ADAMTS16: variants seen among roughly 807,000 people sequenced by gnomAD.
ADAMTS16 encodes the protein ADAM metallopeptidase with thrombospondin type 1 motif 16, also known as A disintegrin and metalloproteinase with thrombospondin motifs 16.
A neutral mutation model predicts 145.8 loss-of-function variants in ADAMTS16; 94 were observed. The ratio of observed to expected loss-of-function variants is 0.64; its 90% CI spans 0.55 to 0.77. The LOEUF (loss-of-function observed/expected upper bound fraction) is 0.77, where lower values mean the gene tolerates loss of function less well. Among genes scored for constraint, ADAMTS16 ranks in the 30% least tolerant of loss-of-function variants. The pLI is 0.00. For synonymous variants in ADAMTS16, 659 were observed against 604.3 expected (o/e 1.09, Z -1.33); for missense variants, 1,585 against 1,591.5 (o/e 1.00, Z 0.07).
chr5:5,247,198 T>A (rs529398824), intron 17 of ADAMTS16, among the ~76,000 whole-genome samples: 1 of 152,308 alleles, frequency 6.6e-6, no homozygotes, highest in East Asian at 1.9e-4. Flanking sequence ...CTTTCTCTTT[T>A]AAACTTCAGC....
chr5:5,316,168 G>A (rs1579423806), intron 21 of ADAMTS16, among the ~76,000 whole-genome samples: 2 of 152,186 alleles, frequency 1.3e-5, no homozygotes, highest in East Asian at 3.9e-4. Context: ...TTGGGCTGTG[G>A]AGAACCAGCC....
chr5:5,230,797 A>G (rs1736898465), intron 11 of ADAMTS16, among the ~76,000 whole-genome samples: 1 of 152,226 alleles, frequency 6.6e-6, no homozygotes, highest in Non-Finnish European at 1.5e-5. Context: ...TGGTAAAAAC[A>G]GTGCTTCTTT....
At chr5:5,282,799 G>A (rs12716168) in intron 18 of ADAMTS16, among the ~76,000 whole-genome samples, 79,432 of 151,834 alleles carry the variant, frequency 0.52, 22,546 homozygotes, top group East Asian at 0.79. Flanking sequence ...TCAAAAACTT[G>A]GAAGCTACCT....
chr5:5,192,405 A>G (rs1365207824), intron 8 of ADAMTS16, among the ~76,000 whole-genome samples: 6 of 151,568 alleles, frequency 4.0e-5, no homozygotes, highest in East Asian at 1.9e-4. Flanking sequence ...AACAGTGTCA[A>G]CCCTCCCATT....
At chr5:5,297,909 A>G (rs1739612241) in intron 18 of ADAMTS16, among the ~76,000 whole-genome samples, 1 of 152,236 alleles carries the variant, frequency 6.6e-6, no homozygotes, top group Non-Finnish European at 1.5e-5. Context: ...TTGACTTTTG[A>G]GACTGAAGAA....
chr5:5,160,745 T>C (rs1734719647), intron 3 of ADAMTS16, among the ~76,000 whole-genome samples: 1 of 126,028 alleles, frequency 7.9e-6, no homozygotes, highest in African/African-American at 3.1e-5. Flanking sequence ...CTTTACAAAC[T>C]TAAAAATATA....
chr5:5,182,101 C>G lies in ADAMTS16; in HGVS notation c.559C>G (p.Leu187Val), dbSNP rs1735354707. 1.2e-6 allele frequency: 2 copies of G among 1,614,008 alleles called. No homozygotes were observed. Among genetic ancestry groups the G allele is most frequent in the Admixed American group, 1.7e-5 (1 of 60,020 alleles). ...CTTCCTAAGGCCACTTCCTTCACAC[C>G]TCTCATGGAAACTCGGCAGAGCTGC... ...DYFLRPLPSH[L>V]SWKLGRAAQG... The change falls in exon 4 of 23, where the codon CTC (leucine) becomes GTC (valine). Residue 187 changes from leucine to valine, a missense_variant. Physicochemically the swap from Leu to Val is conservative, Grantham distance 32. Around this residue, in one of 3 missense-constraint regions of ADAMTS16, gnomAD observed 453 missense variants for 412.1 expected, o/e 1.10. Coordinates refer to ENST00000274181, the MANE Select transcript of ADAMTS16 (RefSeq NM_139056.4).
chr5:5,266,192 G>T (rs1738233759), intron 18 of ADAMTS16, among the ~76,000 whole-genome samples: 1 of 152,108 alleles, frequency 6.6e-6, no homozygotes, highest in South Asian at 2.1e-4. Flanking sequence ...GTCAGCCCTG[G>T]TCTACTCTGT....
intron 18 of ADAMTS16, among the ~76,000 whole-genome samples, chr5:5,295,608 G>A (rs1250752163): frequency 6.6e-6 from 1 of 152,212 alleles, no homozygotes. Flanking sequence ...GAGGCACAGT[G>A]AGTCTCATGT....
At position 5,303,677 on chromosome 5, in the gene ADAMTS16, G is replaced by T; in HGVS notation, c.3097G>T (p.Glu1033Ter). 6.2e-7 allele frequency: 1 copy of T among 1,613,844 alleles called. No individual in the cohort carries two copies. The highest frequency in any genetic ancestry group is 8.5e-7 in the Non-Finnish European group (1 of 1,180,026). The change falls in exon 20 of 23, where the codon GAG (glutamate) becomes TAG (stop). Residue 1033 changes from glutamate to a stop codon, truncating the protein, a stop_gained. Coordinates refer to ENST00000274181, the MANE Select transcript of ADAMTS16 (RefSeq NM_139056.4). LOFTEE classifies it high-confidence loss of function. ...GCTGCCCGACGCTGTCTGCACCTCCGAGCCCAAGCCCAGGATGCATGAAGC... is the reference window on the plus strand; with the variant it reads ...GCTGCCCGACGCTGTCTGCACCTCCTAGCCCAAGCCCAGGATGCATGAAGC... ...QLLPDAVCTS[E>*]PKPRMHEACL...
At chr5:5,280,476 G>A (rs1281706084) in intron 18 of ADAMTS16, among the ~76,000 whole-genome samples, 2 of 152,190 alleles carry the variant, frequency 1.3e-5, no homozygotes, top group Non-Finnish European at 2.9e-5. Context: ...TTCCAGGGGT[G>A]CATCAACATG....
intron 20 of ADAMTS16, among the ~76,000 whole-genome samples, chr5:5,306,293 T>C (rs1383936785): frequency 6.6e-6 from 1 of 152,208 alleles, no homozygotes; most frequent in Non-Finnish European, 1.5e-5. Context: ...CCCCTACTTA[T>C]GCCCCATGAT....
rs1560924488 is a variant in ADAMTS16 at position 5,151,214 on chromosome 5, T to TTTTATTTA, written c.501+4759_501+4760insTTTATTTA. ...ATCATGGCTTCCTTTATTTCTTTTC[T>TTTTATTTA]CTTATTTATTTATTTATTTATTTAT... On this transcript the variant is annotated intron_variant, in intron 3 of 22. Coordinates refer to ENST00000274181, the MANE Select transcript of ADAMTS16 (RefSeq NM_139056.4). Among the ~76,000 whole-genome samples, 87 of 137,986 alleles carry TTTTATTTA rather than the reference T, an allele frequency of 6.3e-4. No homozygotes were observed. In the East Asian group the frequency reaches 9.0e-3, roughly 14 times the overall value. 90.5% of individuals were successfully genotyped at this position (137,986 alleles called of 152,430 possible).
At position 5,269,504 on chromosome 5, in the gene ADAMTS16, C is replaced by T. The variant is rs72724202; in HGVS notation, c.2789+6721C>T. On this transcript the variant is annotated intron_variant, in intron 18 of 22. Transcript: ENST00000274181. This position sits in a 1 kb window ranked among gnomAD's most constrained non-coding sequence, Gnocchi z 4.3. The stretch of plus-strand genomic sequence containing the variant: ...CAATCTCCTCCATCTCCCTGCCCCA[C>T]ACTCTCCACCTGGGACCTCAGACTA... Among the ~76,000 whole-genome samples, 26,172 of 152,046 alleles carry T rather than the reference C, an allele frequency of 0.17. 2,569 individuals are homozygous for T. The highest frequency in any genetic ancestry group is 0.23 in the East Asian group (1,183 of 5,130).
intron 18 of ADAMTS16, among the ~76,000 whole-genome samples, chr5:5,267,327 A>G (rs1369010773): frequency 2.6e-5 from 4 of 152,206 alleles, no homozygotes; most frequent in Non-Finnish European, 5.9e-5. Flanking sequence ...TCCCGAGGAC[A>G]GAGGGCTTTC....
intron 17 of ADAMTS16, among the ~76,000 whole-genome samples, chr5:5,256,933 T>C (rs899770956): frequency 6.6e-6 from 1 of 152,236 alleles, no homozygotes; most frequent in African/African-American, 2.4e-5. Flanking sequence ...TTTGTATTCA[T>C]TAGACTTCTA....
intron 21 of ADAMTS16, 34 bp downstream of exon 21, chr5:5,306,762 G>A (rs1330872875): frequency 4.5e-6 from 7 of 1,543,826 alleles, no homozygotes; most frequent in East Asian, 2.4e-5. Flanking sequence ...GAGAGTGGGC[G>A]AGCACAGCTT....
chr5:5,209,013 G>C, intron 9 of ADAMTS16, 80 bp from the exon 10 acceptor site: 2 of 1,463,816 alleles, frequency 1.4e-6, no homozygotes, highest in Non-Finnish European at 9.2e-7. Flanking sequence ...AATTACATGG[G>C]GGAGAAAGGC....
At chr5:5,292,290 G>T (rs1739356541) in intron 18 of ADAMTS16, among the ~76,000 whole-genome samples, 1 of 152,050 alleles carries the variant, frequency 6.6e-6, no homozygotes, top group Non-Finnish European at 1.5e-5. Context: ...GACGTCAGGA[G>T]TTTGAGACCA....
Sources: gnomAD v4.1 joint callset for allele counts (sites outside exome capture counted in the v4.1 genomes callset) on GRCh38, gnomAD v4.1.1 for gene constraint, gnomAD v4.1.1 regional missense constraint, Gnocchi (gnomAD v3.1) non-coding constraint, MANE v1.5 for transcripts, NCBI Gene and HGNC (gene_info 2026-07-23, HGNC 2026-07-21) for gene names.